IQCH: variants seen among roughly 807,000 people sequenced by gnomAD.
IQCH encodes IQ domain-containing protein H.
IQCH carries 98 observed loss-of-function variants against 117.0 expected under a neutral mutation model. The ratio of observed to expected loss-of-function variants is 0.84; its 90% confidence interval spans 0.71 to 0.99. The LOEUF (loss-of-function observed/expected upper bound fraction) is 0.99, where lower values mean the gene tolerates loss of function less well. Among genes scored for constraint, IQCH ranks in the 50% least tolerant of loss-of-function variants. The pLI is 0.00. For missense variants in IQCH, 1,102 were observed against 1,243.8 expected (o/e 0.89, Z 1.72); for synonymous variants, 412 against 448.2 (o/e 0.92, Z 1.02).
chr15:67,401,776 C>T lies in IQCH; in HGVS notation c.2097+1471C>T, dbSNP rs1420873580. ...ATTTAAAAGACACCAAAATGAATTA[C>T]TCTTCTAGATAAAGATAAAAACAAA... On this transcript the variant is annotated intron_variant, in intron 14 of 20. Transcript: ENST00000335894. The surrounding 1 kb of genome is among the most constrained non-coding windows in gnomAD (Gnocchi z 4.7). Among the ~76,000 whole-genome samples, 1 of 152,134 alleles carries T rather than the reference C, an allele frequency of 6.6e-6. No homozygotes were observed. The highest frequency in any genetic ancestry group is 1.5e-5 in the Non-Finnish European group (1 of 68,030).
Position 67,417,599 on chromosome 15 carries a change from C to T in IQCH, c.2218+548C>T, listed in dbSNP as rs117864772. Among the ~76,000 whole-genome samples the T allele has an allele frequency of 0.01, 1,591 of 152,248 alleles. 12 individuals carry two copies. The highest frequency in any genetic ancestry group is 0.017 in the Non-Finnish European group (1,177 of 68,002). ...GGTTTTCTACAATCCAGGAACAAAG[C>T]GAGCCTCCATTCCTTTCATCCTCCT... is the stretch of plus-strand genomic sequence containing the variant. On this transcript the variant is annotated intron_variant, in intron 15 of 20. Transcript: ENST00000335894. The surrounding 1 kb of genome is among the most constrained non-coding windows in gnomAD (Gnocchi z 4.3).
intron 4 of IQCH, among the ~76,000 whole-genome samples, chr15:67,288,277 A>T (rs1966634856): frequency 1.3e-5 from 2 of 152,042 alleles, no homozygotes; most frequent in African/African-American, 4.8e-5. Context: ...TGTAGTGCAG[A>T]TCAAGTCTGA....
intron 5 of IQCH, 32 bp from the exon 6 acceptor site, chr15:67,344,031 T>TA (rs1463752844): frequency 3.8e-6 from 6 of 1,598,662 alleles, no homozygotes; most frequent in Non-Finnish European, 5.1e-6. Flanking sequence ...TGCTTGGAAT[T>TA]AAACTCACAT....
chr15:67,414,235 A>G (rs536894171), intron 14 of IQCH, among the ~76,000 whole-genome samples: 2 of 152,326 alleles, frequency 1.3e-5, no homozygotes, highest in African/African-American at 4.8e-5. Flanking sequence ...GTTTACCACC[A>G]TCGTGACTCA....
chr15:67,489,873 A>G (rs1443209865), intron 18 of IQCH, 130 bp from the exon 19 acceptor site: 14 of 755,250 alleles, frequency 1.9e-5, no homozygotes, highest in Non-Finnish European at 3.3e-5. Context: ...ATGTGTTCTC[A>G]TAATATCTGA....
rs775865210 is a variant in IQCH at position 67,366,911 on chromosome 15, C to A, written c.754-5200C>A. 1.7e-4 allele frequency among the ~76,000 whole-genome samples: 26 copies of A among 152,098 alleles called. No homozygotes were observed. Among genetic ancestry groups the A allele is most frequent in the Non-Finnish European group, 3.1e-4 (21 of 68,022 alleles). On this transcript the variant is annotated intron_variant, in intron 8 of 20. Coordinates refer to ENST00000335894, the MANE Select transcript of IQCH (RefSeq NM_001031715.3). This position sits in a 1 kb window ranked among gnomAD's most constrained non-coding sequence, Gnocchi z 4.4. Reference sequence around the variant, plus strand: ...AAAATAGAATACGAAAAAAATCCCCCAGGTTTTTTTCATGGTGCATAAAGT... The same window carrying A: ...AAAATAGAATACGAAAAAAATCCCCAAGGTTTTTTTCATGGTGCATAAAGT...
intron 16 of IQCH, among the ~76,000 whole-genome samples, chr15:67,428,632 C>G (rs1221689023): frequency 6.6e-6 from 1 of 151,968 alleles, no homozygotes; most frequent in East Asian, 1.9e-4. Context: ...GGGTGGATCA[C>G]GAGGTCAGGA....
chr15:67,484,113 A>C (rs1466086260), intron 18 of IQCH, among the ~76,000 whole-genome samples: 1 of 151,910 alleles, frequency 6.6e-6, no homozygotes, highest in Non-Finnish European at 1.5e-5. Flanking sequence ...GCTAAAATCA[A>C]CTCTTAGTCC....
intron 8 of IQCH, among the ~76,000 whole-genome samples, chr15:67,363,035 G>GA (rs1278091052): frequency 6.6e-6 from 1 of 152,182 alleles, no homozygotes; most frequent in Non-Finnish European, 1.5e-5. Flanking sequence ...AAGAGAATCA[G>GA]AGCTCTGCAA....
intron 16 of IQCH, among the ~76,000 whole-genome samples, chr15:67,428,161 A>T (rs2081935500): frequency 6.6e-6 from 1 of 152,208 alleles, no homozygotes. Context: ...AAATTATGAT[A>T]GTTCAATGAA....
intron 7 of IQCH, among the ~76,000 whole-genome samples, chr15:67,358,988 A>G (rs1213721685): frequency 6.6e-6 from 1 of 152,242 alleles, no homozygotes; most frequent in African/African-American, 2.4e-5. Context: ...AAGAAAATCA[A>G]TGTAAATGGC....
In IQCH at chr15:67,294,256, C is replaced by G. The variant is rs141531209; in HGVS notation, c.387+14744C>G. On this transcript the variant is annotated intron_variant, in intron 4 of 20. Coordinates refer to ENST00000335894, the MANE Select transcript of IQCH (RefSeq NM_001031715.3). Reference sequence around the variant, plus strand: ...TTATTTCACTATTTATCACTTTTGTCTTATTGTCTTTTCCTTCTCAGCTAG... The same window carrying G: ...TTATTTCACTATTTATCACTTTTGTGTTATTGTCTTTTCCTTCTCAGCTAG... 7.2e-5 allele frequency among the ~76,000 whole-genome samples: 11 copies of G among 152,270 alleles called. No homozygotes were observed. The East Asian group carries it at 1.9e-3, about 27-fold the overall frequency.
intron 20 of IQCH, among the ~76,000 whole-genome samples, chr15:67,495,100 C>A (rs1567236567): frequency 6.6e-6 from 1 of 152,142 alleles, no homozygotes; most frequent in Non-Finnish European, 1.5e-5. Flanking sequence ...ATTCAAAGGA[C>A]ACAATCAGAA....
intron 14 of IQCH, among the ~76,000 whole-genome samples, chr15:67,415,997 A>G (rs1049051403): frequency 2.0e-5 from 3 of 152,198 alleles, no homozygotes; most frequent in African/African-American, 7.2e-5. Context: ...CAGGAGACTG[A>G]GGCTGCAGTG....
chr15:67,276,656 C>T (rs953875793), intron 3 of IQCH, among the ~76,000 whole-genome samples: 11 of 151,662 alleles, frequency 7.3e-5, no homozygotes, highest in Admixed American at 6.6e-4. Context: ...TCATTGTCTT[C>T]TTACTTGCAT....
chr15:67,291,681 G>T (rs1226711462), intron 4 of IQCH, among the ~76,000 whole-genome samples: 1 of 152,096 alleles, frequency 6.6e-6, no homozygotes, highest in Non-Finnish European at 1.5e-5. Flanking sequence ...AGCAGGCAAA[G>T]GTTCCTTCAG....
Position 67,458,733 on chromosome 15 carries a change from A to G in IQCH, c.2506-6394A>G, listed in dbSNP as rs1039538848. Among the ~76,000 whole-genome samples, 1 of 152,212 alleles carries G rather than the reference A, an allele frequency of 6.6e-6. No individual in the cohort carries two copies. The highest frequency in any genetic ancestry group is 2.4e-5 in the African/African-American group (1 of 41,454). On this transcript the variant is annotated intron_variant, in intron 16 of 20. Coordinates refer to ENST00000335894, the MANE Select transcript of IQCH (RefSeq NM_001031715.3). This position sits in a 1 kb window ranked among gnomAD's most constrained non-coding sequence, Gnocchi z 4.1. ...ACCGAGCACTTGGTCTTACTCTAGA[A>G]AAAATCAAGTGGTCCAATGCTGGAT...
At chr15:67,257,905 G>T (rs1965289045) in intron 1 of IQCH, among the ~76,000 whole-genome samples, 2 of 152,192 alleles carry the variant, frequency 1.3e-5, no homozygotes, top group African/African-American at 4.8e-5. Context: ...TTCTGATTGT[G>T]TCTGATTTGT....
chr15:67,421,232 G>A, intron 15 of IQCH, 59 bp from the exon 16 acceptor site: 2 of 1,439,820 alleles, frequency 1.4e-6, no homozygotes, highest in African/African-American at 2.8e-5. Flanking sequence ...TGCAGAATCT[G>A]AGCCCAAGTC....
Sources: gnomAD v4.1 joint callset for allele counts (sites outside exome capture counted in the v4.1 genomes callset) on GRCh38, gnomAD v4.1.1 for gene constraint, Gnocchi (gnomAD v3.1) non-coding constraint, MANE v1.5 for transcripts, NCBI Gene and HGNC (gene_info 2026-07-23, HGNC 2026-07-21) for gene names.